Variants in MFHAS1 observed in about 807,000 individuals in gnomAD.
MFHAS1 encodes the protein malignant fibrous histiocytoma-amplified sequence 1.
A neutral mutation model predicts 70.4 loss-of-function variants in MFHAS1; 50 were observed. The observed-to-expected ratio is 0.71, with a 90% CI of 0.57 to 0.90. MFHAS1 has a LOEUF of 0.90. MFHAS1 is among the 40% of genes least tolerant of loss of function. The probability of loss-of-function intolerance (pLI) is 0.00; values close to 1 mark genes in which losing one functional copy is unlikely to be tolerated. For missense variants in MFHAS1, 1,795 were observed against 1,347.6 expected (o/e 1.33, Z -5.20); for synonymous variants, 952 against 620.0 (o/e 1.54, Z -7.96).
intron 2 of MFHAS1, among the ~76,000 whole-genome samples, chr8:8,794,884 C>T (rs17154756): frequency 0.21 from 31,727 of 152,102 alleles, 3,668 homozygotes; most frequent in African/African-American, 0.29. Flanking sequence ...AGGTTCAATA[C>T]GCTGTCGAGA....
rs115682071 is a variant in MFHAS1, at chr8:8,822,470, T to C, written c.2999-24979A>G. ...GGGACAGGGACCAAGTCAGGGGGGA[T>C]TGAGATGGAGACAGGGACCCAAGTC... On this transcript the variant is annotated intron_variant, in intron 1 of 2. Transcript: ENST00000276282. Among the ~76,000 whole-genome samples, 930 of 142,686 alleles carry C rather than the reference T, an allele frequency of 6.5e-3. 18 individuals are homozygous for C. The highest frequency in any genetic ancestry group is 0.023 in the African/African-American group (869 of 38,148). 93.6% of individuals were successfully genotyped at this position (142,686 alleles called of 152,430 possible).
intron 1 of MFHAS1, among the ~76,000 whole-genome samples, chr8:8,868,461 C>T (rs1022791278): frequency 1.3e-5 from 2 of 151,140 alleles, no homozygotes; most frequent in Non-Finnish European, 2.9e-5. Flanking sequence ...TACCTAGTGC[C>T]ACTCGGCTAA....
chr8:8,852,714 GA>G (rs1246044558), intron 1 of MFHAS1, among the ~76,000 whole-genome samples: 2 of 152,186 alleles, frequency 1.3e-5, no homozygotes, highest in Non-Finnish European at 2.9e-5. Flanking sequence ...GAAGTCCAGA[GA>G]AAAAGCTTTC....
At chr8:8,834,922 A>C (rs1807542738) in intron 1 of MFHAS1, among the ~76,000 whole-genome samples, 1 of 152,240 alleles carries the variant, frequency 6.6e-6, no homozygotes, top group Admixed American at 6.5e-5. Flanking sequence ...CATGTAAGCT[A>C]CTTTTAATGA....
At chr8:8,840,214 T>C (rs1807761299) in intron 1 of MFHAS1, among the ~76,000 whole-genome samples, 1 of 152,158 alleles carries the variant, frequency 6.6e-6, no homozygotes, top group Admixed American at 6.5e-5. Flanking sequence ...CTCAGCACTT[T>C]GGGAGGCCGA....
chr8:8,830,760 G>A lies in MFHAS1; in HGVS notation c.2999-33269C>T, dbSNP rs1414961142. Among the ~76,000 whole-genome samples, 3 of 152,122 alleles carry A rather than the reference G, an allele frequency of 2.0e-5. No individual in the cohort carries two copies. The East Asian group carries it at 5.8e-4, about 29-fold the overall frequency. ...TGGGATTACAGCACCACCATGCCCG[G>A]CTAATTTTTGTATTTTTAGTAGAGG... On this transcript the variant is annotated intron_variant, in intron 1 of 2. Coordinates refer to ENST00000276282, the MANE Select transcript of MFHAS1 (RefSeq NM_004225.3).
intron 1 of MFHAS1, among the ~76,000 whole-genome samples, chr8:8,832,321 T>A (rs1236067991): frequency 6.6e-6 from 1 of 152,112 alleles, no homozygotes; most frequent in Non-Finnish European, 1.5e-5. Context: ...TACATACATC[T>A]GGCAAAGGAC....
intron 1 of MFHAS1, among the ~76,000 whole-genome samples, chr8:8,853,670 G>A (rs1669918231): frequency 2.0e-5 from 3 of 152,066 alleles, no homozygotes; most frequent in Admixed American, 6.6e-5. Flanking sequence ...GGGTTCAAGC[G>A]ATTCTCCTGT....
At position 8,891,084 on chromosome 8, in the gene MFHAS1, G is replaced by A; in HGVS notation, c.1975C>T (p.Leu659=). 3 of 1,613,886 alleles carry A rather than the reference G, an allele frequency of 1.9e-6. No homozygotes were observed. The highest frequency in any genetic ancestry group is 2.5e-6 in the Non-Finnish European group (3 of 1,179,974). Residue 659 remains leucine, a synonymous_variant, in exon 1 of 3, where the codon CTG becomes TTG. Coordinates refer to ENST00000276282, the MANE Select transcript of MFHAS1 (RefSeq NM_004225.3). This position sits in a 1 kb window ranked among gnomAD's most constrained non-coding sequence, Gnocchi z 5.4. ...REIFPNLHRV[L]PRSWQVLEEL... is the part of the protein sequence containing the mutation. ...TCCAGCACCTGCCAGGATCGAGGCA[G>A]TACTCTGTGTAAGTTGGGGAAGATC...
intron 2 of MFHAS1, among the ~76,000 whole-genome samples, chr8:8,788,230 C>A (rs1393242259): frequency 6.6e-6 from 1 of 152,204 alleles, no homozygotes; most frequent in African/African-American, 2.4e-5. Context: ...TGATTTAGTT[C>A]TTTATGTATC....
chr8:8,791,863 G>C (rs1302987498), intron 2 of MFHAS1, among the ~76,000 whole-genome samples: 1 of 152,114 alleles, frequency 6.6e-6, no homozygotes, highest in African/African-American at 2.4e-5. Context: ...AGGAAATAGG[G>C]GGCTGGCAGT....
chr8:8,881,014 C>T (rs1248762695), intron 1 of MFHAS1, among the ~76,000 whole-genome samples: 1 of 152,064 alleles, frequency 6.6e-6, no homozygotes, highest in Admixed American at 6.5e-5. Flanking sequence ...GAAACAGGCT[C>T]CAAACTCACA....
chr8:8,880,709 G>T (rs555778357), intron 1 of MFHAS1, among the ~76,000 whole-genome samples: 5 of 150,496 alleles, frequency 3.3e-5, no homozygotes, highest in African/African-American at 1.2e-4. Context: ...CCCCCAGATG[G>T]AGTCTTGTTT....
chr8:8,829,093 T>C (rs962965070), intron 1 of MFHAS1, among the ~76,000 whole-genome samples: 2 of 152,202 alleles, frequency 1.3e-5, no homozygotes, highest in Non-Finnish European at 2.9e-5. Context: ...CTGCCCACTT[T>C]CCCAGCTCCT....
At chr8:8,835,010 C>A (rs551021203) in intron 1 of MFHAS1, among the ~76,000 whole-genome samples, 20 of 152,172 alleles carry the variant, frequency 1.3e-4, no homozygotes, top group Non-Finnish European at 2.5e-4. Flanking sequence ...TCTAAAGGCA[C>A]TGTGAACCAA....
intron 1 of MFHAS1, among the ~76,000 whole-genome samples, chr8:8,884,110 T>C (rs1464106494): frequency 7.1e-6 from 1 of 141,542 alleles, no homozygotes; most frequent in African/African-American, 2.6e-5. Flanking sequence ...AAAGAAAAAA[T>C]ACTTTAGGAA....
chr8:8,840,251 G>A (rs1398432328), intron 1 of MFHAS1, among the ~76,000 whole-genome samples: 1 of 152,144 alleles, frequency 6.6e-6, no homozygotes, highest in African/African-American at 2.4e-5. Flanking sequence ...GAGGTCAGGA[G>A]TTTCAGGCTA....
At chr8:8,885,269 T>G (rs1261013183) in intron 1 of MFHAS1, among the ~76,000 whole-genome samples, 2 of 151,824 alleles carry the variant, frequency 1.3e-5, no homozygotes, top group Non-Finnish European at 2.9e-5. Context: ...CATAACTCAT[T>G]CTGTCTACTG....
chr8:8,831,949 G>T (rs1807404840), intron 1 of MFHAS1, among the ~76,000 whole-genome samples: 1 of 151,982 alleles, frequency 6.6e-6, no homozygotes, highest in Non-Finnish European at 1.5e-5. Context: ...GCAATTTAAA[G>T]GAGAAAGAAT....
Sources: allele counts gnomAD v4.1 joint callset (sites outside exome capture counted in the v4.1 genomes callset), GRCh38; gene constraint gnomAD v4.1.1; non-coding constraint Gnocchi (gnomAD v3.1); transcripts MANE v1.5; gene names NCBI Gene and HGNC (gene_info 2026-07-23, HGNC 2026-07-21).